ANKRD46: variants seen among roughly 807,000 people sequenced by gnomAD.
The protein encoded by ANKRD46 is ankyrin repeat domain-containing protein 46.
In ANKRD46, 13 loss-of-function variants were observed where a neutral mutation model predicts 19.8. The ratio of observed to expected loss-of-function variants is 0.66; its 90% CI spans 0.43 to 1.04. The LOEUF (loss-of-function observed/expected upper bound fraction) is 1.04, where lower values mean the gene tolerates loss of function less well. ANKRD46 is among the 50% of genes least tolerant of loss of function. The pLI is 0.00. For missense variants in ANKRD46, 185 were observed against 274.8 expected (o/e 0.67, Z 2.31); for synonymous variants, 91 against 106.9 (o/e 0.85, Z 0.92).
intron 2 of ANKRD46, among the ~76,000 whole-genome samples, chr8:100,531,598 G>GTTAGGCTT (rs1380695620): frequency 1.3e-5 from 2 of 152,110 alleles, no homozygotes; most frequent in African/African-American, 4.8e-5. Context: ...CAACTCCACA[G>GTTAGGCTT]TTAGGCTTTT....
chr8:100,513,523 A>G (rs867153873), intron 5 of ANKRD46, among the ~76,000 whole-genome samples: 1 of 152,254 alleles, frequency 6.6e-6, no homozygotes, highest in African/African-American at 2.4e-5. Flanking sequence ...AGGTCAGTTC[A>G]TATTAAGTTG....
rs1341162179 is a variant in ANKRD46, at chr8:100,527,280, G to T, written c.470+565C>A. 2.0e-5 allele frequency among the ~76,000 whole-genome samples: 3 copies of T among 152,170 alleles called. No homozygotes were observed. The highest frequency in any genetic ancestry group is 4.4e-5 in the Non-Finnish European group (3 of 68,034). On this transcript the variant is annotated intron_variant, in intron 4 of 4. Transcript: ENST00000335659. This position sits in a 1 kb window ranked among gnomAD's most constrained non-coding sequence, Gnocchi z 4.0. ...TTTCACTTTCACATTACTGAACTGT[G>T]CATGTGTTAAATACTATCTTGCTTT...
Position 100,544,882 on chromosome 8 carries a change from T to G in ANKRD46, c.-130-11571A>C, listed in dbSNP as rs773910540. On this transcript the variant is annotated intron_variant, in intron 1 of 4. Coordinates refer to ENST00000335659, the MANE Select transcript of ANKRD46 (RefSeq NM_001270377.2). This position sits in a 1 kb window ranked among gnomAD's most constrained non-coding sequence, Gnocchi z 4.4. ...CAGAGGCAACAATGGGAGCAACTCA[T>G]AGAGTCTGGTGCTCTTCACAGAGTG... Among the ~76,000 whole-genome samples the G allele has an allele frequency of 7.9e-5, 12 of 152,118 alleles. No homozygotes were observed. The highest frequency in any genetic ancestry group is 1.2e-4 in the Non-Finnish European group (8 of 68,006).
Position 100,510,660 on chromosome 8 carries a change from G to C in ANKRD46, c.637-21C>G. 6.7e-7 allele frequency: 1 copy of C among 1,481,590 alleles called. No individual in the cohort carries two copies. The highest frequency in any genetic ancestry group is 2.5e-5 in the East Asian group (1 of 40,408). The allele number at this position is 1,481,590 out of a possible 1,614,324, so 91.8% of individuals were successfully genotyped here. ...CTTCTCTGTAAATGTGGGGAAGACA[G>C]ATTAAAAAAAAAAAAAAATCCCAGT... is the stretch of plus-strand genomic sequence containing the variant. On this transcript the variant is annotated intron_variant, in intron 5 of 5. Coordinates refer to the ANKRD46 transcript ENST00000520552. The surrounding 1 kb of genome is among the most constrained non-coding windows in gnomAD (Gnocchi z 4.9).
chr8:100,551,617 G>T, intron 1 of ANKRD46: 1 of 733,676 alleles, frequency 1.4e-6, no homozygotes, highest in Non-Finnish European at 2.4e-6. Context: ...GGTCATTGAT[G>T]GTGACAATAT....
intron 1 of ANKRD46, among the ~76,000 whole-genome samples, chr8:100,540,344 GTCT>G (rs1326042808): frequency 6.6e-6 from 1 of 152,154 alleles, no homozygotes; most frequent in Non-Finnish European, 1.5e-5. Flanking sequence ...CAAAGTGAAC[GTCT>G]TCTTAAACTG....
At position 100,550,912 on chromosome 8, in the gene ANKRD46, T is replaced by C; in HGVS notation, c.-131+8799A>G. 3.4e-6 allele frequency: 2 copies of C among 590,328 alleles called. No individual in the cohort carries two copies. Among genetic ancestry groups the C allele is most frequent in the Non-Finnish European group, 3.1e-6 (1 of 317,644 alleles). The allele number at this position is 590,328 out of a possible 1,614,324, so 36.6% of individuals were successfully genotyped here. A position where few individuals can be genotyped will look rare whatever the true frequency, so the allele number is the denominator to read the frequency against. On this transcript the variant is annotated intron_variant, in intron 1 of 4. Transcript: ENST00000335659. The surrounding 1 kb of genome is among the most constrained non-coding windows in gnomAD (Gnocchi z 4.4). The stretch of plus-strand genomic sequence containing the variant: ...TGTTCAGTGTAGCCCAAGATGCCCT[T>C]GAGGGGCCCTCTGACGCCTGCTTCA...
rs1811978704 is a variant in ANKRD46 at position 100,532,242 on chromosome 8, G to A, written c.-28+967C>T. 6.6e-6 allele frequency: 1 copy of A among 152,308 alleles called. No individual in the cohort carries two copies. Among genetic ancestry groups the A allele is most frequent in the South Asian group, 2.1e-4 (1 of 4,816 alleles). The allele number at this position is 152,308 out of a possible 1,614,324, so 9.4% of individuals were successfully genotyped here. On this transcript the variant is annotated intron_variant, in intron 2 of 4. Transcript: ENST00000335659. This position sits in a 1 kb window ranked among gnomAD's most constrained non-coding sequence, Gnocchi z 4.7. Reference sequence around the variant, plus strand: ...GTACTTTGGAAGGCCAAAATGGGAGGATAGCTTGAAGCCCAGGAGTTCGAA... The same window carrying A: ...GTACTTTGGAAGGCCAAAATGGGAGAATAGCTTGAAGCCCAGGAGTTCGAA...
chr8:100,555,097 A>C (rs1439106558), intron 1 of ANKRD46, among the ~76,000 whole-genome samples: 3 of 152,178 alleles, frequency 2.0e-5, no homozygotes, highest in African/African-American at 7.2e-5. Flanking sequence ...TTTAAATAGA[A>C]ATCTTTTACA....
chr8:100,553,344 C>T (rs1365014455), intron 1 of ANKRD46, among the ~76,000 whole-genome samples: 2 of 152,216 alleles, frequency 1.3e-5, no homozygotes, highest in African/African-American at 4.8e-5. Context: ...AGCAGCAATG[C>T]TGGGCTACTG....
intron 1 of ANKRD46, among the ~76,000 whole-genome samples, 189 bp from the exon 2 acceptor site, chr8:100,533,500 C>T (rs1812004629): frequency 6.6e-6 from 1 of 152,132 alleles, no homozygotes; most frequent in Non-Finnish European, 1.5e-5. Context: ...CAAAGAAGGG[C>T]TTAATAGAAG....
rs1419518001 is a variant in ANKRD46 at position 100,524,922 on chromosome 8, CTG to C, written c.471-2153_471-2152del. ...TTTTTTTAAAAACGTGATATCTACACTGTCTTTGGGGGGTGTGTTTGCATGTA... is the reference window on the plus strand; with the variant it reads ...TTTTTTTAAAAACGTGATATCTACACTCTTTGGGGGGTGTGTTTGCATGTA... On this transcript the variant is annotated intron_variant, in intron 4 of 4. Coordinates refer to ENST00000335659, the MANE Select transcript of ANKRD46 (RefSeq NM_001270377.2). This position sits in a 1 kb window ranked among gnomAD's most constrained non-coding sequence, Gnocchi z 4.3. 6.6e-6 allele frequency among the ~76,000 whole-genome samples: 1 copy of C among 152,126 alleles called. No homozygotes were observed. Among genetic ancestry groups the C allele is most frequent in the Non-Finnish European group, 1.5e-5 (1 of 68,014 alleles).
Position 100,525,352 on chromosome 8 carries a change from C to G in ANKRD46, c.470+2493G>C, listed in dbSNP as rs1461701284. Among the ~76,000 whole-genome samples the G allele has an allele frequency of 6.6e-6, 1 of 152,138 alleles. No homozygotes were observed. The highest frequency in any genetic ancestry group is 2.4e-5 in the African/African-American group (1 of 41,430). On this transcript the variant is annotated intron_variant, in intron 4 of 4. Coordinates refer to ENST00000335659, the MANE Select transcript of ANKRD46 (RefSeq NM_001270377.2). This position sits in a 1 kb window ranked among gnomAD's most constrained non-coding sequence, Gnocchi z 4.4. ...AATTGTACAACCATCTCTTCTAATT[C>G]CAGTACACTTTCAGCACCTCTATAA...
chr8:100,535,765 T>G (rs1376998335), intron 1 of ANKRD46, among the ~76,000 whole-genome samples: 1 of 152,194 alleles, frequency 6.6e-6, no homozygotes, highest in Non-Finnish European at 1.5e-5. Context: ...CATAGTAGTA[T>G]TCCGTGGCAT....
downstream of ANKRD46, among the ~76,000 whole-genome samples, chr8:100,515,929 T>C (rs559788215): frequency 1.3e-5 from 2 of 151,414 alleles, no homozygotes; most frequent in Admixed American, 1.3e-4. Context: ...TGGAGTGCAA[T>C]GGCATGATCT....
intron 1 of ANKRD46, chr8:100,556,754 A>G (rs1812508523): frequency 6.6e-6 from 1 of 152,190 alleles, no homozygotes; most frequent in South Asian, 2.1e-4. Context: ...TGACTTGTCA[A>G]TCAGCAGGAG....
chr8:100,548,543 A>C (rs1812317648), intron 1 of ANKRD46, among the ~76,000 whole-genome samples: 1 of 152,228 alleles, frequency 6.6e-6, no homozygotes, highest in African/African-American at 2.4e-5. Context: ...TCAGTTTGAA[A>C]GTAAACTTTG....
At chr8:100,518,020 A>G (rs1811662195), downstream of ANKRD46, among the ~76,000 whole-genome samples, 1 of 152,120 alleles carries the variant, frequency 6.6e-6, no homozygotes, top group Admixed American at 6.5e-5. Context: ...ACGAAAACCC[A>G]TCTCTACTAA....
In ANKRD46 at chr8:100,544,509, C is replaced by T. The variant is rs2507768; in HGVS notation, c.-130-11198G>A. On this transcript the variant is annotated intron_variant, in intron 1 of 4. Transcript: ENST00000335659. The surrounding 1 kb of genome is among the most constrained non-coding windows in gnomAD (Gnocchi z 4.4). The stretch of plus-strand genomic sequence containing the variant: ...TCAAGTGATCTTAAGTGATAAATAG[C>T]GAAGGCAGACTTCCAGACTTGAATC... 0.49 allele frequency among the ~76,000 whole-genome samples: 74,501 copies of T among 151,994 alleles called. 19,195 individuals carry two copies. Among genetic ancestry groups the T allele is most frequent in the African/African-American group, 0.65 (27,120 of 41,450 alleles).
Sources: gnomAD v4.1 joint callset for allele counts (sites outside exome capture counted in the v4.1 genomes callset) on GRCh38, gnomAD v4.1.1 for gene constraint, Gnocchi (gnomAD v3.1) non-coding constraint, MANE v1.5 for transcripts, NCBI Gene and HGNC (gene_info 2026-07-23, HGNC 2026-07-21) for gene names.